Variants in ZNF528 observed in about 807,000 individuals in gnomAD.
The protein encoded by ZNF528 is zinc finger protein 528.
In ZNF528, 9 loss-of-function variants were observed where a neutral mutation model predicts 13.3. That is an observed-to-expected ratio of 0.67 (90% confidence interval 0.41 to 1.18). The LOEUF is 1.18. Ranked by LOEUF, ZNF528 falls within the 50% of genes most tolerant of loss-of-function variation. ZNF528 has a pLI of 0.01. For missense variants in ZNF528, 858 were observed against 745.4 expected, an observed-to-expected ratio of 1.15 and a Z score of -1.76; for synonymous variants, 264 against 254.3, an observed-to-expected ratio of 1.04 and a Z score of -0.36.
intron 6 of ZNF528, 188 bp downstream of exon 6, chr19:52,406,831 C>A: frequency 1.6e-6 from 1 of 641,122 alleles, no homozygotes. Context: ...GCCACTGTAC[C>A]CTGCAAAGCC....
At chr19:52,414,085 G>A (rs927330014) in intron 6 of ZNF528, 31 of 618,056 alleles carry the variant, frequency 5.0e-5, no homozygotes, top group East Asian at 1.7e-4. Flanking sequence ...AAAACTTCCC[G>A]TTCGCAGTAC....
intron 4 of ZNF528, among the ~76,000 whole-genome samples, chr19:52,405,415 C>CA (rs1230807404): frequency 2.6e-5 from 4 of 151,988 alleles, no homozygotes; most frequent in African/African-American, 9.7e-5. Context: ...CCTGTAGCCC[C>CA]AGCTACTCCA....
chr19:52,400,016 A>G (rs1372725582), intron 2 of ZNF528, among the ~76,000 whole-genome samples: 1 of 151,978 alleles, frequency 6.6e-6, no homozygotes, highest in Non-Finnish European at 1.5e-5. Flanking sequence ...CAACAGGCCC[A>G]CTCACCTGTC....
chr19:52,409,801 C>G (rs113755786), intron 6 of ZNF528, among the ~76,000 whole-genome samples: 1 of 152,058 alleles, frequency 6.6e-6, no homozygotes, highest in African/African-American at 2.4e-5. Flanking sequence ...ACTTCAACCT[C>G]CACATCCAAG....
chr19:52,400,491 G>A (rs574782724), intron 2 of ZNF528, among the ~76,000 whole-genome samples: 1 of 151,938 alleles, frequency 6.6e-6, no homozygotes, highest in African/African-American at 2.4e-5. Context: ...AGTCACCAGT[G>A]ACTTCTCTGT....
chr19:52,413,935 G>A (rs965870434), intron 6 of ZNF528: 5 of 359,656 alleles, frequency 1.4e-5, no homozygotes, highest in Non-Finnish European at 2.6e-5. Flanking sequence ...GGAAACCATG[G>A]GCCATGCATC....
At chr19:52,401,661 G>GC (rs2058795479) in intron 2 of ZNF528, 24 bp from the exon 3 acceptor site, 11 of 547,906 alleles carry the variant, frequency 2.0e-5, no homozygotes, top group Admixed American at 4.2e-5. Flanking sequence ...ATGAAGAATT[G>GC]CTTTTTTTTT....
Position 52,398,595 on chromosome 19 carries a change from C to T in ZNF528, c.-161C>T, listed in dbSNP as rs1599806696. ...GAAAGAGAAATGAAGAATGAGAGAC[C>T]CATTAACAGAAGGCAAAGTAGAAGG... On this transcript the variant is annotated 5_prime_UTR_variant, in exon 2 of 7. Coordinates refer to ENST00000360465, the MANE Select transcript of ZNF528 (RefSeq NM_032423.3). 1.0e-6 allele frequency: 1 copy of T among 985,256 alleles called. No homozygotes were observed. Among genetic ancestry groups the T allele is most frequent in the Non-Finnish European group, 1.2e-6 (1 of 829,926 alleles). The allele number at this position is 985,256 out of a possible 1,614,324, so 61.0% of individuals were successfully genotyped here.
intron 2 of ZNF528, among the ~76,000 whole-genome samples, chr19:52,401,008 T>C (rs1035583306): frequency 6.6e-6 from 1 of 152,208 alleles, no homozygotes; most frequent in Non-Finnish European, 1.5e-5. Flanking sequence ...TGAAGTGTCT[T>C]CTCTGAATAT....
chr19:52,413,938 C>G, intron 6 of ZNF528: 1 of 375,850 alleles, frequency 2.7e-6, no homozygotes, highest in Non-Finnish European at 5.0e-6. Context: ...AACCATGGGC[C>G]ATGCATCATA....
chr19:52,413,103 G>C (rs1193776022), intron 6 of ZNF528: 1 of 152,152 alleles, frequency 6.6e-6, no homozygotes, highest in East Asian at 1.9e-4. Context: ...TACAACCCTT[G>C]CATGATATGC....
At chr19:52,408,527 A>C (rs980621081) in intron 6 of ZNF528, 8 of 152,274 alleles carry the variant, frequency 5.3e-5, no homozygotes, top group Admixed American at 5.2e-4. Flanking sequence ...AAGTGCAATA[A>C]TACTTGTTTC....
intron 4 of ZNF528, among the ~76,000 whole-genome samples, chr19:52,404,747 C>G (rs2058834609): frequency 6.6e-6 from 1 of 151,816 alleles, no homozygotes; most frequent in African/African-American, 2.4e-5. Context: ...CAGGCACTCA[C>G]CACCACACCT....
intron 4 of ZNF528, among the ~76,000 whole-genome samples, chr19:52,405,404 G>A (rs1913247303): frequency 6.6e-6 from 1 of 151,980 alleles, no homozygotes. Flanking sequence ...GGTGTCATGA[G>A]CCTGTAGCCC....
chr19:52,403,933 G>A (rs553388326), intron 4 of ZNF528, among the ~76,000 whole-genome samples: 1 of 151,892 alleles, frequency 6.6e-6, no homozygotes, highest in Non-Finnish European at 1.5e-5. Flanking sequence ...GAATAATAAT[G>A]TATTATGGGG....
intron 6 of ZNF528, chr19:52,413,246 A>G (rs1196791806): frequency 6.6e-6 from 1 of 152,220 alleles, no homozygotes; most frequent in Non-Finnish European, 1.5e-5. Context: ...GTCATTACTC[A>G]ATAGCATATC....
intron 6 of ZNF528, among the ~76,000 whole-genome samples, chr19:52,409,207 T>C (rs556790618): frequency 2.5e-4 from 38 of 152,280 alleles, no homozygotes; most frequent in African/African-American, 8.2e-4. Flanking sequence ...CTGTCAAGAT[T>C]TTGTCTTTGT....
At position 52,416,588 on chromosome 19, in the gene ZNF528, G is replaced by C. The variant is rs1036999732; in HGVS notation, c.1736G>C (p.Cys579Ser). 1 of 1,614,042 alleles carries C rather than the reference G, an allele frequency of 6.2e-7. No homozygotes were observed. The highest frequency in any genetic ancestry group is 1.3e-5 in the African/African-American group (1 of 74,924). Residue 579 changes from cysteine to serine, a missense_variant, in exon 7 of 7, where the codon TGT becomes TCT. Physicochemically the swap from Cys to Ser is moderately radical, Grantham distance 112. Transcript: ENST00000360465. Reference protein sequence around the residue: ...AIHTEKKSHECKECGKIFTQK... With the variant: ...AIHTEKKSHESKECGKIFTQK... Reference sequence around the variant, plus strand: ...CATACTGAAAAGAAATCTCATGAGTGTAAAGAATGTGGCAAGATCTTCACT... The same window carrying C: ...CATACTGAAAAGAAATCTCATGAGTCTAAAGAATGTGGCAAGATCTTCACT...
Position 52,416,755 on chromosome 19 carries a change from G to GTT in ZNF528, c.*17_*18insTT, listed in dbSNP as rs368074353. ...TCATTCATGAGAGTCCCTACAAACT[G>GTT]TATGGCAAAACCATCATCATGAGTT... is the stretch of plus-strand genomic sequence containing the variant. On this transcript the variant is annotated 3_prime_UTR_variant, in exon 7 of 7. Coordinates refer to ENST00000360465, the MANE Select transcript of ZNF528 (RefSeq NM_032423.3). 1 of 1,575,268 alleles carries GTT rather than the reference G, an allele frequency of 6.3e-7. No individual in the cohort carries two copies. The highest frequency in any genetic ancestry group is 8.6e-7 in the Non-Finnish European group (1 of 1,157,042).
Sources: gnomAD v4.1 joint callset for allele counts (sites outside exome capture counted in the v4.1 genomes callset) on GRCh38, gnomAD v4.1.1 for gene constraint, MANE v1.5 for transcripts, NCBI Gene and HGNC (gene_info 2026-07-23, HGNC 2026-07-21) for gene names.